The following RSPH14 variants were observed in gnomAD, a reference collection of about 807,000 sequenced individuals.
The protein encoded by RSPH14 is radial spoke head 14 homolog, also known as rhabdoid tumor deletion region gene 1.
A neutral mutation model predicts 26.7 loss-of-function variants in RSPH14; 20 were observed. That is an observed-to-expected ratio of 0.75 (90% CI 0.53 to 1.09). The LOEUF (loss-of-function observed/expected upper bound fraction) is 1.09. Ranked by LOEUF, RSPH14 falls within the 50% of genes least tolerant of loss-of-function variation. The pLI, the probability that RSPH14 is intolerant of heterozygous loss-of-function variation, is 0.00. For missense variants in RSPH14, 449 were observed against 457.2 expected (o/e 0.98, Z 0.16); for synonymous variants, 177 against 189.3 (o/e 0.93, Z 0.53).
upstream of RSPH14, among the ~76,000 whole-genome samples, chr22:23,146,439 TG>T (rs528561981): frequency 1.2e-3 from 175 of 151,996 alleles, no homozygotes; most frequent in African/African-American, 4.1e-3. Flanking sequence ...CTCAACCTCC[TG>T]GGCCCAAGTG....
At chr22:23,135,430 T>C (rs976882587) in intron 3 of RSPH14, among the ~76,000 whole-genome samples, 2 of 151,096 alleles carry the variant, frequency 1.3e-5, no homozygotes, top group African/African-American at 4.9e-5. Flanking sequence ...AGGTGGAGCT[T>C]GCAGTGAGCC....
intron 4 of RSPH14, among the ~76,000 whole-genome samples, chr22:23,116,501 C>G (rs935046532): frequency 6.6e-6 from 1 of 152,236 alleles, no homozygotes; most frequent in Admixed American, 6.5e-5. Flanking sequence ...TGAGCTACCT[C>G]ATGCAGGACC....
the RSPH14 span, among the ~76,000 whole-genome samples, chr22:23,166,729 G>A: frequency 6.6e-6 from 1 of 152,078 alleles, no homozygotes; most frequent in Non-Finnish European, 1.5e-5. Context: ...TTGTTAACTG[G>A]TGCTCTACAC....
chr22:23,107,469 A>C (rs2069516370), intron 4 of RSPH14, among the ~76,000 whole-genome samples: 1 of 152,144 alleles, frequency 6.6e-6, no homozygotes, highest in Non-Finnish European at 1.5e-5. Context: ...AGGGCCTGAG[A>C]GTGTCTGAGG....
chr22:23,175,821 T>C, the RSPH14 span, among the ~76,000 whole-genome samples: 6 of 152,224 alleles, frequency 3.9e-5, no homozygotes, highest in Non-Finnish European at 8.8e-5. Flanking sequence ...GCCGGCCTCA[T>C]GATGCCAGAC....
the RSPH14 span, chr22:23,162,582 CAG>C: frequency 4.4e-6 from 2 of 451,986 alleles, no homozygotes; most frequent in East Asian, 7.0e-5. Context: ...GCAGAGCAGA[CAG>C]AAATACCCCA....
chr22:23,141,907 C>G (rs1014629624), intron 1 of RSPH14, 42 bp downstream of exon 1: 1 of 892,510 alleles, frequency 1.1e-6, no homozygotes, highest in African/African-American at 1.8e-5. Context: ...GGTCACTGGG[C>G]CCCCCTGTCC....
chr22:23,128,439 G>A (rs2070235550), intron 4 of RSPH14, among the ~76,000 whole-genome samples: 1 of 152,328 alleles, frequency 6.6e-6, no homozygotes, highest in African/African-American at 2.4e-5. Context: ...TGTGACATCT[G>A]TCTCTACAAT....
chr22:23,158,764 G>A, the RSPH14 span: 1 of 756,202 alleles, frequency 1.3e-6, no homozygotes, highest in Non-Finnish European at 2.3e-6. Flanking sequence ...TGCTCAGCCA[G>A]TGTGGGCCAG....
intron 4 of RSPH14, among the ~76,000 whole-genome samples, chr22:23,077,709 G>A (rs1239049052): frequency 6.6e-6 from 1 of 152,174 alleles, no homozygotes; most frequent in African/African-American, 2.4e-5. Flanking sequence ...CTATGGAGCA[G>A]CTAATCAGGC....
chr22:23,165,988 T>G, the RSPH14 span, among the ~76,000 whole-genome samples: 16 of 151,526 alleles, frequency 1.1e-4, no homozygotes, highest in East Asian at 1.2e-3. Context: ...CTACTAAAAA[T>G]ACAAAAAATT....
chr22:23,081,564 G>A (rs1449862471), intron 4 of RSPH14, among the ~76,000 whole-genome samples: 3 of 150,958 alleles, frequency 2.0e-5, no homozygotes, highest in Middle Eastern at 3.2e-3. Context: ...GTTCATGCCT[G>A]TAATCCCAGC....
intron 4 of RSPH14, among the ~76,000 whole-genome samples, chr22:23,116,555 A>G (rs2069841605): frequency 6.6e-6 from 1 of 152,246 alleles, no homozygotes; most frequent in African/African-American, 2.4e-5. Flanking sequence ...AGGCAGGGAC[A>G]GGAAGGATGC....
intron 4 of RSPH14, among the ~76,000 whole-genome samples, chr22:23,125,478 G>C (rs1399905473): frequency 6.6e-6 from 1 of 152,188 alleles, no homozygotes; most frequent in Non-Finnish European, 1.5e-5. Context: ...TAGGGTTTTG[G>C]AGAGGAGGGG....
At chr22:23,179,981 C>T in the RSPH14 span, 2 of 325,646 alleles carry the variant, frequency 6.1e-6, no homozygotes, top group Non-Finnish European at 5.7e-6. Flanking sequence ...TTGCAGATGC[C>T]CACGATGGTG....
intron 4 of RSPH14, among the ~76,000 whole-genome samples, chr22:23,108,701 GCTTCCTGC>G (rs1428679159): frequency 2.0e-5 from 3 of 152,250 alleles, no homozygotes; most frequent in African/African-American, 4.8e-5. Flanking sequence ...CAGGGCCCCA[GCTTCCTGC>G]CTCATAAGCT....
intron 4 of RSPH14, chr22:23,095,274 C>T (rs41310042): frequency 7.1e-5 from 14 of 196,474 alleles, no homozygotes; most frequent in African/African-American, 1.6e-4. Flanking sequence ...CAGTGGGAGC[C>T]GGAGGCGGGG....
the RSPH14 span, chr22:23,153,502 G>A: frequency 1.7e-4 from 159 of 934,502 alleles, no homozygotes; most frequent in Non-Finnish European, 1.9e-4. Flanking sequence ...GGTTGCTGCT[G>A]AGCTCTGAGC....
rs539603651 is a variant in RSPH14 at position 23,133,435 on chromosome 22, T to C, written c.421+591A>G. ...TATAAATTGAAGATACCATTTATCA[T>C]TGGTAAGGGTAATACCCAGTATGGG... On this transcript the variant is annotated intron_variant, in intron 4 of 6. Coordinates refer to ENST00000216036, the MANE Select transcript of RSPH14 (RefSeq NM_014433.3). Among the ~76,000 whole-genome samples the C allele has an allele frequency of 7.2e-5, 11 of 152,318 alleles. No homozygotes were observed. The South Asian group carries it at 2.3e-3, about 32-fold the overall frequency.
Sources: allele counts gnomAD v4.1 joint callset (sites outside exome capture counted in the v4.1 genomes callset), GRCh38; gene constraint gnomAD v4.1.1; transcripts MANE v1.5; gene names NCBI Gene and HGNC (gene_info 2026-07-23, HGNC 2026-07-21).